Variants in ST14 observed in about 807,000 individuals in gnomAD.
ST14 encodes suppressor of tumorigenicity 14 protein.
ST14 carries 40 observed loss-of-function variants against 96.5 expected under a neutral mutation model. That is an observed-to-expected ratio of 0.41 (90% CI 0.32 to 0.54). The LOEUF (loss-of-function observed/expected upper bound fraction) is 0.54, where lower values mean the gene tolerates loss of function less well. ST14 is among the 20% of genes least tolerant of loss of function. ST14 has a pLI of 0.17. For missense variants in ST14, 1,066 were observed against 1,188.9 expected (o/e 0.90, Z 1.52); for synonymous variants, 506 against 492.1 (o/e 1.03, Z -0.37).
intron 16 of ST14, among the ~76,000 whole-genome samples, chr11:130,201,536 C>T (rs1953428309): frequency 6.6e-6 from 1 of 152,248 alleles, no homozygotes; most frequent in African/African-American, 2.4e-5. Flanking sequence ...GGGAGTGGAC[C>T]CAGTTCCATG....
chr11:130,174,854 A>G (rs570257927), intron 1 of ST14, among the ~76,000 whole-genome samples: 109 of 152,330 alleles, frequency 7.2e-4, no homozygotes, highest in African/African-American at 2.5e-3. Context: ...CAGCCAGCCT[A>G]GCCCAGCCCA....
intron 7 of ST14, among the ~76,000 whole-genome samples, chr11:130,192,188 T>C (rs1953310720): frequency 1.3e-5 from 2 of 152,226 alleles, no homozygotes; most frequent in Non-Finnish European, 2.9e-5. Flanking sequence ...GGACGTTTCC[T>C]GATTAATAAT....
intron 1 of ST14, among the ~76,000 whole-genome samples, chr11:130,178,473 G>A (rs1010302713): frequency 3.0e-5 from 3 of 101,606 alleles, no homozygotes; most frequent in African/African-American, 2.4e-4. Flanking sequence ...TGGGCTGCGT[G>A]GGGAGGGCCC....
chr11:130,185,977 T>C (rs781231726), intron 1 of ST14, among the ~76,000 whole-genome samples: 2 of 151,728 alleles, frequency 1.3e-5, no homozygotes, highest in Non-Finnish European at 2.9e-5. Context: ...CTGGCTAATT[T>C]TTGTATTGTT....
At chr11:130,176,449 C>T (rs979178545) in intron 1 of ST14, among the ~76,000 whole-genome samples, 7 of 151,646 alleles carry the variant, frequency 4.6e-5, no homozygotes, top group African/African-American at 9.7e-5. Context: ...AGTGCCGTGG[C>T]GCAATCTCGG....
At chr11:130,183,803 G>C (rs1953214831) in intron 1 of ST14, among the ~76,000 whole-genome samples, 1 of 152,128 alleles carries the variant, frequency 6.6e-6, no homozygotes, top group African/African-American at 2.4e-5. Context: ...TTTCATTGCT[G>C]ATATGCCAGT....
intron 16 of ST14, among the ~76,000 whole-genome samples, chr11:130,203,374 A>G (rs544221644): frequency 3.3e-5 from 5 of 152,236 alleles, no homozygotes; most frequent in African/African-American, 1.2e-4. Context: ...GTCCTAGCTC[A>G]CTGTAGCCTG....
chr11:130,160,081 CG>C, intron 1 of ST14, 21 bp downstream of exon 1: 1 of 1,410,666 alleles, frequency 7.1e-7, no homozygotes, highest in Non-Finnish European at 9.3e-7. Context: ...GCCGGGGACC[CG>C]GGGCGCTGGG....
chr11:130,177,443 A>G (rs1953150622), intron 1 of ST14, among the ~76,000 whole-genome samples: 1 of 151,996 alleles, frequency 6.6e-6, no homozygotes, highest in Non-Finnish European at 1.5e-5. Flanking sequence ...GGTGCCTGTA[A>G]TCCCAGCTAC....
chr11:130,198,801 G>T, intron 14 of ST14, 146 bp from the exon 15 acceptor site: 1 of 1,538,794 alleles, frequency 6.5e-7, no homozygotes, highest in Non-Finnish European at 8.9e-7. Context: ...ACCTGTAGCA[G>T]GGCAGGGAGG....
rs758322616 is a variant in ST14 at position 130,209,781 on chromosome 11, C to T, written c.2526C>T (p.Leu842=). Residue 842 remains leucine (L), a synonymous_variant, in exon 19 of 19, where the codon CTC becomes CTT. Transcript: ENST00000278742. ...QRNKPGVYTR[L]PLFRDWIKEN... is the part of the protein sequence containing the mutation. ...ACAAGCCAGGCGTGTACACAAGGCT[C>T]CCTCTGTTTCGGGACTGGATCAAAG... The T allele has an allele frequency of 6.2e-7, 1 of 1,613,960 alleles. No homozygotes were observed. Among genetic ancestry groups the T allele is most frequent in the Non-Finnish European group, 8.5e-7 (1 of 1,180,032 alleles).
At chr11:130,193,249 A>C (rs890852532) in intron 7 of ST14, among the ~76,000 whole-genome samples, 4 of 151,910 alleles carry the variant, frequency 2.6e-5, no homozygotes, top group African/African-American at 9.7e-5. Flanking sequence ...CACCATGCCC[A>C]GCTAGTTTTT....
rs1413722977 is a variant in ST14, at chr11:130,188,468, G to A, written c.242-62G>A. 11 of 1,611,154 alleles carry A rather than the reference G, an allele frequency of 6.8e-6. No homozygotes were observed. The highest frequency in any genetic ancestry group is 1.7e-4 in the Middle Eastern group (1 of 5,962). ...CTGGCATTCATTCCCCATTGTGGACGGCGAGGGACAGGCGGGGGTGGTACC... is the reference window on the plus strand; with the variant it reads ...CTGGCATTCATTCCCCATTGTGGACAGCGAGGGACAGGCGGGGGTGGTACC... On this transcript the variant is annotated intron_variant, in intron 2 of 18. Transcript: ENST00000278742. The surrounding 1 kb of genome is among the most constrained non-coding windows in gnomAD (Gnocchi z 5.4).
Position 130,198,599 on chromosome 11 carries a change from C to G in ST14, c.1662C>G (p.Ser554=). 4.3e-6 allele frequency: 7 copies of G among 1,613,824 alleles called. No homozygotes were observed. The highest frequency in any genetic ancestry group is 5.9e-6 in the Non-Finnish European group (7 of 1,179,964). Reference sequence around the variant, plus strand: ...GGAAGGACGACTGTGGGGACGGGTCCGACGAGGCCTCCTGCCCCAAGGGTG... The same window carrying G: ...GGAAGGACGACTGTGGGGACGGGTCGGACGAGGCCTCCTGCCCCAAGGGTG... The part of the protein sequence containing the change: ...CNGKDDCGDG[S]DEASCPKVNV... Residue 554 remains serine (S), a synonymous_variant, in exon 14 of 19, where the codon TCC becomes TCG. Coordinates refer to ENST00000278742, the MANE Select transcript of ST14 (RefSeq NM_021978.4).
chr11:130,194,769 T>C, intron 9 of ST14, 32 bp downstream of exon 9: 4 of 1,603,560 alleles, frequency 2.5e-6, no homozygotes, highest in Non-Finnish European at 3.4e-6. Flanking sequence ...AACGTGTGTG[T>C]GTGTGAGCAT....
At chr11:130,192,609 C>G (rs1200399481) in intron 7 of ST14, among the ~76,000 whole-genome samples, 1 of 152,148 alleles carries the variant, frequency 6.6e-6, no homozygotes, top group African/African-American at 2.4e-5. Context: ...TCAGGCTGGT[C>G]TCGAACTCCT....
At chr11:130,180,256 G>C (rs978243528) in intron 1 of ST14, among the ~76,000 whole-genome samples, 1 of 152,194 alleles carries the variant, frequency 6.6e-6, no homozygotes, top group East Asian at 1.9e-4. Context: ...TCAGAAGCAG[G>C]CTACCCATTG....
At chr11:130,186,743 G>A (rs986001730) in intron 1 of ST14, among the ~76,000 whole-genome samples, 2 of 152,148 alleles carry the variant, frequency 1.3e-5, no homozygotes, top group African/African-American at 4.8e-5. Flanking sequence ...GAGAGAAAGG[G>A]TGGAAGGACA....
At chr11:130,190,829 G>C (rs1183101354) in intron 7 of ST14, 135 bp downstream of exon 7, 1 of 1,204,346 alleles carries the variant, frequency 8.3e-7, no homozygotes, top group African/African-American at 1.5e-5. Flanking sequence ...GCAGCAGGAG[G>C]CACGTGTGGT....
Sources: allele counts gnomAD v4.1 joint callset (sites outside exome capture counted in the v4.1 genomes callset), GRCh38; gene constraint gnomAD v4.1.1; non-coding constraint Gnocchi (gnomAD v3.1); transcripts MANE v1.5; gene names NCBI Gene and HGNC (gene_info 2026-07-23, HGNC 2026-07-21).